The following CNTN5 variants were observed in gnomAD, a reference collection of about 807,000 sequenced individuals.
CNTN5 encodes the protein contactin-5.
A neutral mutation model predicts 129.1 loss-of-function variants in CNTN5; 77 were observed. That is an observed-to-expected ratio of 0.60 (90% CI 0.50 to 0.72). The LOEUF (loss-of-function observed/expected upper bound fraction) is 0.72, where lower values mean the gene tolerates loss of function less well. Ranked by LOEUF, CNTN5 falls within the 30% of genes least tolerant of loss-of-function variation. The probability of loss-of-function intolerance (pLI) is 0.00; values close to 1 mark genes in which losing one functional copy is unlikely to be tolerated. For missense variants in CNTN5, 1,478 were observed against 1,328.8 expected (o/e 1.11, Z -1.75); for synonymous variants, 509 against 465.6 (o/e 1.09, Z -1.20).
intron 1 of CNTN5, among the ~76,000 whole-genome samples, chr11:99,203,475 G>T (rs1157753257): frequency 1.3e-5 from 2 of 150,840 alleles, no homozygotes; most frequent in Non-Finnish European, 1.5e-5. Context: ...TAAGTTATAG[G>T]CAAATTTACC....
chr11:99,745,875 T>C (rs566194883), intron 3 of CNTN5, among the ~76,000 whole-genome samples: 2 of 152,186 alleles, frequency 1.3e-5, no homozygotes, highest in East Asian at 3.9e-4. Context: ...AAATACAATA[T>C]AGTGTGATGA....
chr11:100,244,571 G>C (rs1359323671), intron 16 of CNTN5, among the ~76,000 whole-genome samples: 1 of 152,096 alleles, frequency 6.6e-6, no homozygotes, highest in Non-Finnish European at 1.5e-5. Flanking sequence ...AATGAAGGTA[G>C]CAGTGGGGAG....
At chr11:99,714,961 A>T (rs2134984703) in intron 3 of CNTN5, among the ~76,000 whole-genome samples, 1 of 151,676 alleles carries the variant, frequency 6.6e-6, no homozygotes, top group East Asian at 2.0e-4. Context: ...GAAAGCTAGC[A>T]TTTGAATATG....
At chr11:100,032,833 G>C (rs1331411729) in intron 9 of CNTN5, among the ~76,000 whole-genome samples, 1 of 152,056 alleles carries the variant, frequency 6.6e-6, no homozygotes, top group Non-Finnish European at 1.5e-5. Context: ...CATTTTTCCA[G>C]TCTAATCTAC....
chr11:99,753,237 C>T (rs1944294954), intron 3 of CNTN5, among the ~76,000 whole-genome samples: 1 of 149,146 alleles, frequency 6.7e-6, no homozygotes, highest in Non-Finnish European at 1.5e-5. Context: ...ATTCTCCTGC[C>T]TCAGCCTCCC....
intron 13 of CNTN5, among the ~76,000 whole-genome samples, chr11:100,158,415 C>T (rs954737397): frequency 6.6e-6 from 1 of 151,824 alleles, no homozygotes; most frequent in Non-Finnish European, 1.5e-5. Flanking sequence ...CAAGGTGATG[C>T]ATATATAACA....
intron 23 of CNTN5, 78 bp downstream of exon 23, chr11:100,341,283 TA>T: frequency 2.2e-5 from 23 of 1,047,330 alleles, no homozygotes; most frequent in Non-Finnish European, 3.1e-5. Flanking sequence ...TAATAAGGCA[TA>T]AAAAGACCCA....
chr11:99,787,420 A>C (rs1220185810), intron 3 of CNTN5, among the ~76,000 whole-genome samples: 2 of 151,638 alleles, frequency 1.3e-5, no homozygotes, highest in Non-Finnish European at 2.9e-5. Context: ...AACATTACTT[A>C]TAAGGTATAA....
intron 2 of CNTN5, among the ~76,000 whole-genome samples, chr11:99,409,290 G>A (rs960407137): frequency 1.1e-4 from 16 of 152,054 alleles, no homozygotes; most frequent in Non-Finnish European, 2.1e-4. Flanking sequence ...CGGTGAAACC[G>A]CATCTCTACT....
intron 6 of CNTN5, among the ~76,000 whole-genome samples, chr11:99,871,009 A>G (rs1948490961): frequency 1.3e-5 from 2 of 152,132 alleles, no homozygotes; most frequent in African/African-American, 2.4e-5. Context: ...CCTTAAAAAC[A>G]TGGGAACACT....
chr11:99,391,653 G>T (rs1546354), intron 2 of CNTN5, among the ~76,000 whole-genome samples: 34,144 of 151,916 alleles, frequency 0.22, 3,906 homozygotes, highest in South Asian at 0.33. Flanking sequence ...GAAAGGTGAA[G>T]GTAGGGCATT....
intron 2 of CNTN5, among the ~76,000 whole-genome samples, chr11:99,439,978 A>G (rs1407675553): frequency 6.6e-6 from 1 of 152,142 alleles, no homozygotes; most frequent in Non-Finnish European, 1.5e-5. Context: ...GATCATTCGA[A>G]TAAATCAGAA....
At chr11:100,007,655 G>A (rs528315264) in intron 9 of CNTN5, among the ~76,000 whole-genome samples, 2 of 152,170 alleles carry the variant, frequency 1.3e-5, no homozygotes, top group Admixed American at 6.6e-5. Context: ...TTAGGTTTTG[G>A]CTTCAGGGAA....
At chr11:99,100,417 T>G (rs192668423) in intron 1 of CNTN5, among the ~76,000 whole-genome samples, 1 of 152,304 alleles carries the variant, frequency 6.6e-6, no homozygotes, top group East Asian at 1.9e-4. Context: ...ATTTTGACCT[T>G]GGTGTTTATG....
At chr11:99,499,169 C>A (rs1946337749) in intron 2 of CNTN5, among the ~76,000 whole-genome samples, 1 of 152,130 alleles carries the variant, frequency 6.6e-6, no homozygotes, top group Non-Finnish European at 1.5e-5. Context: ...ATAGTTAACA[C>A]CCCACTATTC....
At chr11:100,098,885 C>T (rs924244565) in intron 13 of CNTN5, among the ~76,000 whole-genome samples, 5 of 151,982 alleles carry the variant, frequency 3.3e-5, no homozygotes, top group Admixed American at 6.6e-5. Context: ...CTTGTTCACC[C>T]GGTGGTGAGC....
intron 24 of CNTN5, among the ~76,000 whole-genome samples, chr11:100,353,352 C>T (rs1032428414): frequency 2.6e-5 from 4 of 151,538 alleles, no homozygotes; most frequent in African/African-American, 7.3e-5. Context: ...CCAAGTGAAA[C>T]AGCTAGTTAG....
At chr11:100,281,909 T>C (rs1176369170) in intron 18 of CNTN5, among the ~76,000 whole-genome samples, 1 of 152,176 alleles carries the variant, frequency 6.6e-6, no homozygotes, top group Non-Finnish European at 1.5e-5. Flanking sequence ...ATTTTTCAGC[T>C]CCAGAGTTTG....
chr11:99,765,987 C>T (rs1378170147), intron 3 of CNTN5, among the ~76,000 whole-genome samples: 1 of 151,892 alleles, frequency 6.6e-6, no homozygotes, highest in Non-Finnish European at 1.5e-5. Flanking sequence ...TTTTATTACT[C>T]TAAATAATTT....
Sources: gnomAD v4.1 joint callset for allele counts (sites outside exome capture counted in the v4.1 genomes callset) on GRCh38, gnomAD v4.1.1 for gene constraint, MANE v1.5 for transcripts, NCBI Gene and HGNC (gene_info 2026-07-23, HGNC 2026-07-21) for gene names.